Variants in CDH1 observed in about 807,000 individuals in gnomAD.
CDH1 encodes the protein cadherin 1.
A neutral mutation model predicts 84.5 loss-of-function variants in CDH1; 35 were observed. The ratio of observed to expected loss-of-function variants is 0.41; its 90% CI spans 0.32 to 0.55. The LOEUF (loss-of-function observed/expected upper bound fraction) is 0.55. Ranked by LOEUF, CDH1 falls within the 20% of genes least tolerant of loss-of-function variation. The probability of loss-of-function intolerance (pLI) is 0.19; values close to 1 mark genes in which losing one functional copy is unlikely to be tolerated. For synonymous variants in CDH1, 417 were observed against 439.0 expected, an observed-to-expected ratio of 0.95 and a Z score of 0.63; for missense variants, 994 against 1,126.6, an observed-to-expected ratio of 0.88 and a Z score of 1.68.
intron 2 of CDH1, among the ~76,000 whole-genome samples, chr16:68,750,366 T>A (rs1400496270): frequency 6.6e-6 from 1 of 151,022 alleles, no homozygotes; most frequent in Non-Finnish European, 1.5e-5. Flanking sequence ...AAGAAACTCT[T>A]GTTCCAAATG....
At chr16:68,750,835 G>A (rs1488018245) in intron 2 of CDH1, among the ~76,000 whole-genome samples, 3 of 151,652 alleles carry the variant, frequency 2.0e-5, no homozygotes, top group African/African-American at 7.3e-5. Context: ...CTCCCAAGTA[G>A]CTGGGATACA....
At position 68,743,356 on chromosome 16, in the gene CDH1, TTTCTTTC is replaced by T. The variant is rs1420155032; in HGVS notation, c.163+4948_163+4954del. Reference sequence around the variant, plus strand: ...CTTTCTTTCTTTCTTTCTTTCTTTCTTTCTTTCTTTTCTTTTCTTTCTTTTGAGACGG... The same window carrying T: ...CTTTCTTTCTTTCTTTCTTTCTTTCTTTTTCTTTTCTTTCTTTTGAGACGG... On this transcript the variant is annotated intron_variant, in intron 2 of 15. Coordinates refer to ENST00000261769, the MANE Select transcript of CDH1 (RefSeq NM_004360.5). Among the ~76,000 whole-genome samples the T allele has an allele frequency of 3.5e-3, 146 of 41,260 alleles. 8 individuals are homozygous for T. Among genetic ancestry groups the T allele is most frequent in the African/African-American group, 0.014 (141 of 10,188 alleles). 27.1% of individuals were successfully genotyped at this position (41,260 alleles called of 152,430 possible).
At chr16:68,763,391 G>A (rs1959282496) in intron 2 of CDH1, 1 of 152,234 alleles carries the variant, frequency 6.6e-6, no homozygotes, top group Admixed American at 6.5e-5. Context: ...TTGGGAGTGG[G>A]TTTACACCTC....
At chr16:68,796,623 A>G (rs771166731) in intron 2 of CDH1, among the ~76,000 whole-genome samples, 5 of 152,202 alleles carry the variant, frequency 3.3e-5, no homozygotes, top group Non-Finnish European at 5.9e-5. Flanking sequence ...AACATCAGTC[A>G]TCTCTCTTGG....
intron 10 of CDH1, among the ~76,000 whole-genome samples, chr16:68,818,171 T>C (rs8050039): frequency 0.14 from 20,138 of 141,466 alleles, 2,963 homozygotes; most frequent in African/African-American, 0.39. Flanking sequence ...ACCTGGGAGG[T>C]GGAGCTTGCA....
At chr16:68,820,204 A>C (rs777710491) in intron 11 of CDH1, among the ~76,000 whole-genome samples, 2 of 152,018 alleles carry the variant, frequency 1.3e-5, no homozygotes, top group Non-Finnish European at 2.9e-5. Context: ...GTCTCCAAAA[A>C]AAAAATTGTT....
intron 2 of CDH1, among the ~76,000 whole-genome samples, chr16:68,770,268 A>G (rs1410851876): frequency 6.6e-6 from 1 of 151,970 alleles, no homozygotes; most frequent in African/African-American, 2.4e-5. Context: ...TGTCTTCCAC[A>G]AGACATCGCC....
chr16:68,774,876 C>T (rs987232034), intron 2 of CDH1, among the ~76,000 whole-genome samples: 3 of 152,258 alleles, frequency 2.0e-5, no homozygotes, highest in East Asian at 1.9e-4. Flanking sequence ...AATAAATCCA[C>T]GTGGTTAGTT....
intron 2 of CDH1, among the ~76,000 whole-genome samples, chr16:68,775,259 G>A (rs1450820098): frequency 6.6e-6 from 1 of 152,132 alleles, no homozygotes; most frequent in Non-Finnish European, 1.5e-5. Flanking sequence ...GTACGCTGCA[G>A]GCATGTTTCA....
chr16:68,746,477 G>A (rs1450148755), intron 2 of CDH1, among the ~76,000 whole-genome samples: 3 of 152,090 alleles, frequency 2.0e-5, no homozygotes, highest in Non-Finnish European at 4.4e-5. Context: ...GCCACTCAAT[G>A]CATTTCCCTG....
In CDH1 at chr16:68,738,307, G is replaced by A. The variant is rs121964875; in HGVS notation, c.59G>A (p.Trp20Ter). The stretch of plus-strand genomic sequence containing the variant: ...TTTCCCCCACCCCAGGTCTCCTCTT[G>A]GCTCTGCCAGGAGCCGGAGCCCTGC... ...ALLLLLQVSS[W>*]LCQEPEPCHP... The change falls in exon 2 of 16, where the codon TGG becomes TAG. Residue 20 changes from tryptophan to a stop codon, truncating the protein, a stop_gained. Coordinates refer to ENST00000261769, the MANE Select transcript of CDH1 (RefSeq NM_004360.5). LOFTEE classifies it high-confidence loss of function. 1.3e-6 allele frequency: 2 copies of A among 1,550,364 alleles called. No individual in the cohort carries two copies. The highest frequency in any genetic ancestry group is 1.7e-6 in the Non-Finnish European group (2 of 1,145,826).
intron 13 of CDH1, among the ~76,000 whole-genome samples, chr16:68,826,158 T>C (rs182129662): frequency 1.2e-4 from 19 of 152,010 alleles, no homozygotes; most frequent in Non-Finnish European, 1.3e-4. Context: ...TGAAATATTT[T>C]TTTTTTAAAT....
chr16:68,759,369 A>G (rs908752978), intron 2 of CDH1, among the ~76,000 whole-genome samples: 8 of 152,138 alleles, frequency 5.3e-5, no homozygotes, highest in Non-Finnish European at 7.3e-5. Context: ...AATGACCACA[A>G]TAGTCGTTGC....
intron 2 of CDH1, among the ~76,000 whole-genome samples, chr16:68,745,613 A>ATATATATATGTGTATATATATGTATGTG: frequency 7.6e-6 from 1 of 131,402 alleles, no homozygotes; most frequent in Non-Finnish European, 1.5e-5. Context: ...GTATGTGTAT[A>ATATATATATGTGTATATATATGTATGTG]TATATATATA....
chr16:68,737,534 T>A, intron 1 of CDH1, 71 bp downstream of exon 1: 36 of 265,282 alleles, frequency 1.4e-4, no homozygotes, highest in Non-Finnish European at 1.7e-4. Flanking sequence ...CCTGCGCCCC[T>A]TCCTCTCCCG....
intron 2 of CDH1, among the ~76,000 whole-genome samples, chr16:68,785,190 G>C (rs1960011147): frequency 1.3e-5 from 2 of 152,054 alleles, no homozygotes; most frequent in Admixed American, 6.6e-5. Flanking sequence ...TTGAGACAGA[G>C]TCTTGTTCTT....
At chr16:68,818,416 T>G (rs925176471) in intron 10 of CDH1, among the ~76,000 whole-genome samples, 4 of 151,778 alleles carry the variant, frequency 2.6e-5, no homozygotes, top group African/African-American at 7.3e-5. Flanking sequence ...TGTGTCAATA[T>G]AGACAGAGCA....
Position 68,834,981 on chromosome 16 carries a change from G to A in CDH1, c.*1482G>A, listed in dbSNP as rs996041237. ...AAGGAATGGAGGAGTCTCAACATGT[G>A]TTTCTGACACAAGATCCGTGGTTTG... On this transcript the variant is annotated 3_prime_UTR_variant, in exon 16 of 16. Transcript: ENST00000261769. 1.7e-5 allele frequency: 4 copies of A among 232,112 alleles called. No individual in the cohort carries two copies. The highest frequency in any genetic ancestry group is 8.8e-5 in the African/African-American group (4 of 45,246). 14.4% of individuals were successfully genotyped at this position (232,112 alleles called of 1,614,324 possible).
intron 2 of CDH1, among the ~76,000 whole-genome samples, chr16:68,760,797 T>C (rs1226028717): frequency 6.6e-6 from 1 of 151,850 alleles, no homozygotes; most frequent in African/African-American, 2.4e-5. Flanking sequence ...TGGGACTGTG[T>C]GGGCTGGGTC....
Sources: allele counts gnomAD v4.1 joint callset (sites outside exome capture counted in the v4.1 genomes callset), GRCh38; gene constraint gnomAD v4.1.1; transcripts MANE v1.5; gene names NCBI Gene and HGNC (gene_info 2026-07-23, HGNC 2026-07-21).